KMT2C: variants seen among roughly 807,000 people sequenced by gnomAD.
KMT2C encodes histone-lysine N-methyltransferase 2C.
In KMT2C, 88 loss-of-function variants were observed where a neutral mutation model predicts 507.9. The observed-to-expected ratio is 0.17, with a 90% CI of 0.15 to 0.21. KMT2C has a LOEUF of 0.21. Among genes scored for constraint, KMT2C ranks in the 10% least tolerant of loss-of-function variants. The pLI, the probability that KMT2C is intolerant of heterozygous loss-of-function variation, is 1.00. For missense variants in KMT2C, 4,954 were observed against 5,957.8 expected (o/e 0.83, Z 5.55); for synonymous variants, 2,049 against 2,080.8 (o/e 0.98, Z 0.42).
chr7:152,317,319 CTTT>C (rs1219738960), intron 3 of KMT2C, among the ~76,000 whole-genome samples: 1 of 151,936 alleles, frequency 6.6e-6, no homozygotes, highest in Non-Finnish European at 1.5e-5. Flanking sequence ...TTATTGTTGA[CTTT>C]TTTTTAATAC....
At chr7:152,287,597 C>T (rs2096325222) in intron 6 of KMT2C, among the ~76,000 whole-genome samples, 2 of 152,168 alleles carry the variant, frequency 1.3e-5, no homozygotes, top group Admixed American at 6.5e-5. Flanking sequence ...CCAAATATAA[C>T]ATGTTATACC....
chr7:152,255,896 T>C (rs2095653144), intron 9 of KMT2C, among the ~76,000 whole-genome samples: 1 of 152,122 alleles, frequency 6.6e-6, no homozygotes, highest in Admixed American at 6.5e-5. Context: ...AAGCCATACA[T>C]GGTGGCTCAC....
chr7:152,180,280 C>G (rs977764300), intron 36 of KMT2C, among the ~76,000 whole-genome samples, 154 bp from the exon 37 acceptor site: 1 of 152,176 alleles, frequency 6.6e-6, no homozygotes, highest in African/African-American at 2.4e-5. Context: ...CTCAGCCTCT[C>G]AAGTAGCTGG....
chr7:152,312,490 T>C (rs902977332), intron 4 of KMT2C, among the ~76,000 whole-genome samples: 2 of 152,198 alleles, frequency 1.3e-5, no homozygotes, highest in Non-Finnish European at 2.9e-5. Context: ...GTAGCTTTCT[T>C]ATGGTCCCGT....
At chr7:152,183,471 A>G (rs2093499378) in intron 34 of KMT2C, among the ~76,000 whole-genome samples, 1 of 152,190 alleles carries the variant, frequency 6.6e-6, no homozygotes, top group African/African-American at 2.4e-5. Flanking sequence ...TTTAGAAAGA[A>G]GGGGCTGGGG....
At chr7:152,350,864 AAC>A (rs2097105299) in intron 2 of KMT2C, among the ~76,000 whole-genome samples, 1 of 152,252 alleles carries the variant, frequency 6.6e-6, no homozygotes, top group Non-Finnish European at 1.5e-5. Flanking sequence ...CTTTTGTAAT[AAC>A]ACAGCTTAAA....
chr7:152,219,835 C>G (rs1219769245), intron 23 of KMT2C, among the ~76,000 whole-genome samples: 1 of 151,946 alleles, frequency 6.6e-6, no homozygotes, highest in Non-Finnish European at 1.5e-5. Flanking sequence ...AACCCCATCT[C>G]TACAAAAAAA....
At chr7:152,246,714 A>G (rs777493859) in intron 14 of KMT2C, among the ~76,000 whole-genome samples, 2 of 152,158 alleles carry the variant, frequency 1.3e-5, no homozygotes, top group African/African-American at 2.4e-5. Flanking sequence ...ACTAGAAAGG[A>G]GCACAACTGG....
rs1383361190 is a variant in KMT2C, at chr7:152,306,971, C to G, written c.849+2995G>C. Among the ~76,000 whole-genome samples the G allele has an allele frequency of 3.9e-5, 6 of 152,108 alleles. No homozygotes were observed. The South Asian group carries it at 1.2e-3, about 31-fold the overall frequency. ...CTCAGGAGATAGAGACTAGCCTGGA[C>G]AACACAGCAGAACCTAGCCTCTACA... On this transcript the variant is annotated intron_variant, in intron 6 of 58. Transcript: ENST00000262189.
chr7:152,139,044 TA>T, intron 57 of KMT2C, 140 bp from the exon 58 acceptor site: 1 of 1,000,266 alleles, frequency 1.0e-6, no homozygotes. Context: ...AACATTTAAA[TA>T]AAAATTCTCA....
chr7:152,238,949 T>C lies in KMT2C; in HGVS notation c.2533-123A>G, dbSNP rs1240105128. ...CAAACGTATGGAAATTTAGGACAAA[T>C]TGCTTCAAGGAAGGCAAAATAAGTT... On this transcript the variant is annotated intron_variant, in intron 14 of 58. Coordinates refer to ENST00000262189, the MANE Select transcript of KMT2C (RefSeq NM_170606.3). The C allele has an allele frequency of 1.1e-5, 11 of 957,266 alleles. No individual in the cohort carries two copies. The Admixed American group carries it at 2.0e-4, about 17-fold the overall frequency. The allele number at this position is 957,266 out of a possible 1,614,324, so 59.3% of individuals were successfully genotyped here.
intron 3 of KMT2C, among the ~76,000 whole-genome samples, chr7:152,320,011 C>G (rs555500554): frequency 6.6e-6 from 1 of 152,224 alleles, no homozygotes; most frequent in East Asian, 1.9e-4. Flanking sequence ...GTCTCCGCGT[C>G]TTGGTGGTAG....
At chr7:152,334,725 C>T (rs1370035692) in intron 2 of KMT2C, among the ~76,000 whole-genome samples, 1 of 152,178 alleles carries the variant, frequency 6.6e-6, no homozygotes, top group Non-Finnish European at 1.5e-5. Flanking sequence ...AGTCGCAATG[C>T]TGCCAATGAG....
At chr7:152,238,222 G>A (rs1281649637) in intron 15 of KMT2C, among the ~76,000 whole-genome samples, 55 of 150,032 alleles carry the variant, frequency 3.7e-4, no homozygotes, top group Non-Finnish European at 5.3e-4. Context: ...TCTTCAAAAT[G>A]CATCACACTA....
At chr7:152,287,819 T>C (rs2096330156) in intron 6 of KMT2C, among the ~76,000 whole-genome samples, 1 of 150,606 alleles carries the variant, frequency 6.6e-6, no homozygotes, top group African/African-American at 2.4e-5. Flanking sequence ...AGGTCAGGAG[T>C]TCGAGACCAG....
rs1032032201 is a variant in KMT2C at position 152,325,426 on chromosome 7, G to T, written c.389+5175C>A. Among the ~76,000 whole-genome samples the T allele has an allele frequency of 2.6e-5, 4 of 151,160 alleles. No homozygotes were observed. The South Asian group carries it at 8.3e-4, about 32-fold the overall frequency. On this transcript the variant is annotated intron_variant, in intron 3 of 58. Coordinates refer to ENST00000262189, the MANE Select transcript of KMT2C (RefSeq NM_170606.3). ...GCCTCCCAAAGGGCTGGGATTACAG[G>T]CATGAGCCACCGCACCCGGCCCCTT...
At chr7:152,231,833 A>G (rs1374041280) in intron 16 of KMT2C, among the ~76,000 whole-genome samples, 2 of 152,034 alleles carry the variant, frequency 1.3e-5, no homozygotes, top group Admixed American at 6.6e-5. Context: ...CAGAAGGACT[A>G]CATCTCAGTA....
intron 6 of KMT2C, among the ~76,000 whole-genome samples, chr7:152,292,213 C>T (rs1413295987): frequency 1.3e-5 from 2 of 152,094 alleles, no homozygotes; most frequent in Middle Eastern, 3.2e-3. Context: ...TTCCACTATA[C>T]CTCTAAAGTG....
At chr7:152,330,853 A>G (rs1412683715) in intron 2 of KMT2C, 114 bp from the exon 3 acceptor site, 5 of 962,336 alleles carry the variant, frequency 5.2e-6, no homozygotes, top group East Asian at 4.9e-5. Context: ...ACAAATAACA[A>G]TATTTCACTA....
Sources: allele counts gnomAD v4.1 joint callset (sites outside exome capture counted in the v4.1 genomes callset), GRCh38; gene constraint gnomAD v4.1.1; transcripts MANE v1.5; gene names NCBI Gene and HGNC (gene_info 2026-07-23, HGNC 2026-07-21).